Variants in PAWR observed in about 807,000 individuals in gnomAD.
The protein encoded by PAWR is pro-apoptotic WT1 regulator.
A neutral mutation model predicts 32.0 loss-of-function variants in PAWR; 23 were observed. The observed-to-expected ratio is 0.72, with a 90% CI of 0.52 to 1.02. PAWR has a LOEUF of 1.02. PAWR is among the 50% of genes least tolerant of loss of function. The probability of loss-of-function intolerance (pLI) is 0.00; values close to 1 mark genes in which losing one functional copy is unlikely to be tolerated. For missense variants in PAWR, 457 were observed against 437.7 expected, an observed-to-expected ratio of 1.04 and a Z score of -0.39; for synonymous variants, 226 against 187.1, an observed-to-expected ratio of 1.21 and a Z score of -1.70.
chr12:79,665,623 A>G (rs1877566015), intron 2 of PAWR, among the ~76,000 whole-genome samples: 1 of 152,188 alleles, frequency 6.6e-6, no homozygotes, highest in Non-Finnish European at 1.5e-5. Flanking sequence ...GTGTTTAAGA[A>G]CAAGAACTGA....
chr12:79,614,104 G>A (rs1464175519), intron 3 of PAWR, among the ~76,000 whole-genome samples: 10 of 137,250 alleles, frequency 7.3e-5, no homozygotes, highest in Non-Finnish European at 1.1e-4. Context: ...TCTGCCTCCC[G>A]GGTTCAAGTG....
At chr12:79,625,911 GT>G (rs898288189) in intron 2 of PAWR, among the ~76,000 whole-genome samples, 3 of 151,680 alleles carry the variant, frequency 2.0e-5, no homozygotes, top group Non-Finnish European at 4.4e-5. Flanking sequence ...GGGCACAGTG[GT>G]TCAGCACATT....
intron 4 of PAWR, chr12:79,604,863 T>C (rs11836501): frequency 2.2e-5 from 6 of 268,180 alleles, no homozygotes; most frequent in African/African-American, 9.2e-5. Flanking sequence ...ATGAGTGTCA[T>C]CAGTAATTCC....
At chr12:79,635,488 T>TA (rs1298345952) in intron 2 of PAWR, 5 of 152,130 alleles carry the variant, frequency 3.3e-5, no homozygotes, top group Admixed American at 3.3e-4. Context: ...CTGGAGAATG[T>TA]AATGTTGAGT....
At chr12:79,623,644 G>T (rs764533798) in intron 2 of PAWR, among the ~76,000 whole-genome samples, 3 of 151,646 alleles carry the variant, frequency 2.0e-5, no homozygotes, top group Non-Finnish European at 4.4e-5. Flanking sequence ...CTTTACTGAA[G>T]AATACAAATT....
At chr12:79,686,470 C>T (rs1878684526) in intron 2 of PAWR, among the ~76,000 whole-genome samples, 1 of 152,290 alleles carries the variant, frequency 6.6e-6, no homozygotes, top group African/African-American at 2.4e-5. Flanking sequence ...ACATTTGAAT[C>T]AAATGGGGAA....
chr12:79,614,342 T>C (rs962701419), intron 3 of PAWR, among the ~76,000 whole-genome samples: 3 of 151,948 alleles, frequency 2.0e-5, no homozygotes, highest in African/African-American at 7.3e-5. Flanking sequence ...TTTGTCTTTT[T>C]TATGCCATCA....
chr12:79,643,649 C>A (rs963330135), intron 2 of PAWR, among the ~76,000 whole-genome samples: 28 of 152,082 alleles, frequency 1.8e-4, no homozygotes, highest in African/African-American at 6.5e-4. Flanking sequence ...CATACAAAAC[C>A]TACTCTAAAT....
At chr12:79,626,504 C>G (rs1408230412) in intron 2 of PAWR, among the ~76,000 whole-genome samples, 1 of 151,574 alleles carries the variant, frequency 6.6e-6, no homozygotes, top group Non-Finnish European at 1.5e-5. Context: ...CGTGATCCAC[C>G]CCCCACGGCC....
chr12:79,650,680 T>G (rs1396154877), intron 2 of PAWR, among the ~76,000 whole-genome samples: 1 of 149,318 alleles, frequency 6.7e-6, no homozygotes, highest in African/African-American at 2.5e-5. Flanking sequence ...AGTAAAACTT[T>G]CCTTACTCAA....
At chr12:79,607,742 A>T (rs1014501230) in intron 4 of PAWR, among the ~76,000 whole-genome samples, 102 of 127,692 alleles carry the variant, frequency 8.0e-4, no homozygotes, top group Admixed American at 1.1e-3. Context: ...AAAAAAAAAA[A>T]AAATAATAAT....
intron 4 of PAWR, among the ~76,000 whole-genome samples, chr12:79,610,061 G>A (rs903172982): frequency 5.9e-5 from 9 of 152,150 alleles, no homozygotes; most frequent in African/African-American, 1.4e-4. Flanking sequence ...CAGTGGGTTC[G>A]AGTGAGTGGA....
chr12:79,616,308 G>A (rs957197732), intron 3 of PAWR, among the ~76,000 whole-genome samples: 2 of 151,960 alleles, frequency 1.3e-5, no homozygotes, highest in African/African-American at 4.8e-5. Flanking sequence ...CTCAGAACAT[G>A]CCACATCAGC....
chr12:79,660,583 CTTT>C (rs754493353), intron 2 of PAWR, among the ~76,000 whole-genome samples: 6 of 135,418 alleles, frequency 4.4e-5, no homozygotes, highest in Non-Finnish European at 8.0e-5. Context: ...TTTCATTGTA[CTTT>C]TTTTTTTTTT....
At chr12:79,629,737 G>A (rs1466740872) in intron 2 of PAWR, among the ~76,000 whole-genome samples, 1 of 151,960 alleles carries the variant, frequency 6.6e-6, no homozygotes, top group Non-Finnish European at 1.5e-5. Context: ...ACATATTGTG[G>A]AACATAAAAC....
intron 2 of PAWR, among the ~76,000 whole-genome samples, chr12:79,662,904 CAT>C (rs1266732579): frequency 1.3e-5 from 2 of 152,100 alleles, no homozygotes; most frequent in African/African-American, 2.4e-5. Flanking sequence ...TCTATGGTAA[CAT>C]GTTGTCATTA....
intron 3 of PAWR, among the ~76,000 whole-genome samples, chr12:79,617,042 G>C (rs1334658102): frequency 1.3e-5 from 2 of 152,132 alleles, no homozygotes; most frequent in African/African-American, 4.8e-5. Flanking sequence ...ACATTTTGAA[G>C]CTGAATGTTA....
intron 2 of PAWR, among the ~76,000 whole-genome samples, chr12:79,629,859 T>C (rs1206584535): frequency 2.0e-5 from 3 of 152,064 alleles, no homozygotes; most frequent in Non-Finnish European, 2.9e-5. Context: ...CTGCTAAATA[T>C]ATGGAAATTA....
chr12:79,690,451 G>C (rs549157690), intron 1 of PAWR, 60 bp from the exon 2 acceptor site: 2 of 1,110,590 alleles, frequency 1.8e-6, no homozygotes, highest in African/African-American at 1.7e-5. Flanking sequence ...CCCGACCCAA[G>C]GGTCTGCCCC....
Sources: allele counts gnomAD v4.1 joint callset (sites outside exome capture counted in the v4.1 genomes callset), GRCh38; gene constraint gnomAD v4.1.1; transcripts MANE v1.5; gene names NCBI Gene and HGNC (gene_info 2026-07-23, HGNC 2026-07-21).